The following B4GALNT3 variants were observed in gnomAD, a reference collection of about 807,000 sequenced individuals.
B4GALNT3 encodes the protein beta-1,4-N-acetylgalactosaminyltransferase 3.
B4GALNT3 carries 86 observed loss-of-function variants against 120.2 expected under a neutral mutation model. That is an observed-to-expected ratio of 0.72 (90% CI 0.60 to 0.86). The LOEUF (loss-of-function observed/expected upper bound fraction) is 0.86, where lower values mean the gene tolerates loss of function less well. Among genes scored for constraint, B4GALNT3 ranks in the 40% least tolerant of loss-of-function variants. The pLI, the probability that B4GALNT3 is intolerant of heterozygous loss-of-function variation, is 0.00. For synonymous variants in B4GALNT3, 518 were observed against 510.4 expected, an observed-to-expected ratio of 1.01 and a Z score of -0.20; for missense variants, 1,167 against 1,298.9, an observed-to-expected ratio of 0.90 and a Z score of 1.56.
intron 1 of B4GALNT3, among the ~76,000 whole-genome samples, chr12:498,702 G>A (rs1245552933): frequency 6.6e-6 from 1 of 152,164 alleles, no homozygotes; most frequent in African/African-American, 2.4e-5. Context: ...CCTGGAAGAC[G>A]AAGGTGGAGG....
At chr12:560,619 T>C (rs988254582) in intron 19 of B4GALNT3, among the ~76,000 whole-genome samples, 2 of 152,060 alleles carry the variant, frequency 1.3e-5, no homozygotes, top group South Asian at 2.1e-4. Flanking sequence ...AACTGGGAGC[T>C]CATAAAAAGG....
Position 545,391 on chromosome 12 carries a change from T to A in B4GALNT3, c.561T>A (p.Ala187=). 1 of 1,611,916 alleles carries A rather than the reference T, an allele frequency of 6.2e-7. No individual in the cohort carries two copies. The highest frequency in any genetic ancestry group is 1.1e-5 in the South Asian group (1 of 90,462). ...CAGGGAAAATCCAGTTTGCCATTGC[T>A]GCAGATGACAACGCGGAGTTCTGGC... The part of the protein sequence containing the change: ...FTDGKIQFAI[A]ADDNAEFWLS... The change falls in exon 6 of 20, where the codon GCT becomes GCA. Residue 187 remains alanine, a synonymous_variant. Coordinates refer to ENST00000266383, the MANE Select transcript of B4GALNT3 (RefSeq NM_173593.4).
intron 11 of B4GALNT3, among the ~76,000 whole-genome samples, chr12:551,482 A>T (rs1313394194): frequency 1.3e-5 from 2 of 152,236 alleles, no homozygotes; most frequent in Non-Finnish European, 2.9e-5. Flanking sequence ...TGCGGAAGCC[A>T]GACAGGCAGC....
chr12:533,067 G>A (rs1458797242), intron 1 of B4GALNT3, among the ~76,000 whole-genome samples: 2 of 152,194 alleles, frequency 1.3e-5, no homozygotes, highest in Admixed American at 1.3e-4. Flanking sequence ...TCAGATGCAG[G>A]AGCAAGGCAG....
chr12:511,013 C>CTTTTTTTTT lies in B4GALNT3; in HGVS notation c.170-24119_170-24111dup, dbSNP rs762032000. ...TTTGGTCTCTATGGATTTGCCTATT[C>CTTTTTTTTT]TTTTTTTTTTTTTTTTTTTTTTTTT... On this transcript the variant is annotated intron_variant, in intron 1 of 19. Transcript: ENST00000266383. Among the ~76,000 whole-genome samples the CTTTTTTTTT allele has an allele frequency of 1.6e-3, 69 of 43,910 alleles. 17 individuals carry two copies. The highest frequency in any genetic ancestry group is 2.2e-3 in the Non-Finnish European group (47 of 21,838). 28.8% of individuals were successfully genotyped at this position (43,910 alleles called of 152,430 possible).
At chr12:558,115 G>A in intron 17 of B4GALNT3, 27 bp downstream of exon 17, 4 of 1,609,266 alleles carry the variant, frequency 2.5e-6, no homozygotes, top group South Asian at 2.2e-5. Context: ...GGGCCTGCGA[G>A]ATGGAATTCA....
intron 1 of B4GALNT3, among the ~76,000 whole-genome samples, chr12:528,298 CA>C (rs1299089093): frequency 2.0e-5 from 3 of 152,094 alleles, no homozygotes; most frequent in Non-Finnish European, 4.4e-5. Context: ...GCAGTCATGA[CA>C]CACTACAGCC....
Position 460,543 on chromosome 12 carries a change from G to C in B4GALNT3, c.167G>C (p.Arg56Pro). ...SAQVGGNPLNRRYGSWRELAK... is the reference protein window; with the variant it reads ...SAQVGGNPLNPRYGSWRELAK... The stretch of plus-strand genomic sequence containing the variant: ...CAGGTCGGCGGGAACCCCCTGAACC[G>C]GAGTAAGTAGCACCCAGGGGAGGCG... The change falls in exon 1 of 20, where the codon CGG becomes CCG. Residue 56 changes from arginine to proline, a missense_variant and splice_region_variant. By Grantham distance (103) the Arg-to-Pro change is moderately radical (BLOSUM62 -2). Coordinates refer to ENST00000266383, the MANE Select transcript of B4GALNT3 (RefSeq NM_173593.4). This position sits in a 1 kb window ranked among gnomAD's most constrained non-coding sequence, Gnocchi z 8.0. 4 of 1,496,386 alleles carry C rather than the reference G, an allele frequency of 2.7e-6. No homozygotes were observed. The highest frequency in any genetic ancestry group is 2.7e-6 in the Non-Finnish European group (3 of 1,115,648). The allele number at this position is 1,496,386 out of a possible 1,614,324, so 92.7% of individuals were successfully genotyped here.
In B4GALNT3 at chr12:556,115, G is replaced by A. The variant is rs893322056; in HGVS notation, c.2061-432G>A. Among the ~76,000 whole-genome samples, 13 of 152,200 alleles carry A rather than the reference G, an allele frequency of 8.5e-5. No homozygotes were observed. In the East Asian group the frequency reaches 2.5e-3, roughly 29 times the overall value. ...TTGTTTTAAATAGCCATCCTGGTGA[G>A]TGTGAAATGGTATCACACTGTGGTT... On this transcript the variant is annotated intron_variant, in intron 14 of 19. Transcript: ENST00000266383.
At chr12:557,172 A>G (rs1478282625) in intron 15 of B4GALNT3, among the ~76,000 whole-genome samples, 2 of 152,134 alleles carry the variant, frequency 1.3e-5, no homozygotes, top group African/African-American at 4.8e-5. Context: ...GGGAAGTAAG[A>G]CGGGCAGCGT....
rs906107936 is a variant in B4GALNT3 at position 492,568 on chromosome 12, C to G, written c.169+32023C>G. 2.6e-5 allele frequency among the ~76,000 whole-genome samples: 4 copies of G among 152,200 alleles called. No homozygotes were observed. The East Asian group carries it at 7.7e-4, about 29-fold the overall frequency. ...ACTTGATCTACAGACTCAATGCAAT[C>G]CCAATCAAAACCCCAGCAAGTTATT... On this transcript the variant is annotated intron_variant, in intron 1 of 19. Transcript: ENST00000266383.
At chr12:492,252 C>A (rs12308087) in intron 1 of B4GALNT3, among the ~76,000 whole-genome samples, 4,597 of 152,132 alleles carry the variant, frequency 0.03, 251 homozygotes, top group African/African-American at 0.1. Context: ...AAAACTGGAA[C>A]TAATAAGCAA....
intron 1 of B4GALNT3, among the ~76,000 whole-genome samples, chr12:492,065 AAAG>A (rs1693873967): frequency 6.6e-6 from 1 of 151,830 alleles, no homozygotes; most frequent in African/African-American, 2.4e-5. Flanking sequence ...CAAAAAAAAA[AAAG>A]AACAAGGCAA....
intron 1 of B4GALNT3, among the ~76,000 whole-genome samples, chr12:498,315 C>T (rs569269382): frequency 1.3e-5 from 2 of 152,272 alleles, no homozygotes; most frequent in East Asian, 3.9e-4. Context: ...ACCATGTCCG[C>T]CCAAGTCCAG....
At chr12:463,109 C>T (rs1300186203) in intron 1 of B4GALNT3, among the ~76,000 whole-genome samples, 1 of 152,192 alleles carries the variant, frequency 6.6e-6, no homozygotes, top group Non-Finnish European at 1.5e-5. Context: ...CTCTAGCAAT[C>T]CCTGCCAACT....
Position 553,276 on chromosome 12 carries a change from G to T in B4GALNT3, c.1353G>T (p.Arg451Ser). 1.9e-6 allele frequency: 3 copies of T among 1,613,598 alleles called. No homozygotes were observed. In the South Asian group the frequency reaches 3.3e-5, roughly 18 times the overall value. The change falls in exon 14 of 20, where the codon AGG (arginine) becomes AGT (serine). Residue 451 changes from arginine to serine, a missense_variant. Around this residue, in one of 3 missense-constraint regions of B4GALNT3, gnomAD observed 983 missense variants for 1,102.5 expected, o/e 0.89. Transcript: ENST00000266383. ...ETPASNNQNARMLEGRQTPAS... is the reference protein window; with the variant it reads ...ETPASNNQNASMLEGRQTPAS... ...CTGCCTCCAACAACCAGAATGCCAG[G>T]ATGCTTGAGGGAAGACAGACACCTG...
intron 1 of B4GALNT3, among the ~76,000 whole-genome samples, chr12:530,600 C>T (rs1000623734): frequency 2.6e-5 from 4 of 152,202 alleles, no homozygotes; most frequent in Non-Finnish European, 5.9e-5. Context: ...ATCCTTGACA[C>T]GGATTATCCC....
chr12:545,163 G>T, intron 5 of B4GALNT3, 191 bp downstream of exon 5: 1 of 1,441,838 alleles, frequency 6.9e-7, no homozygotes, highest in South Asian at 1.5e-5. Context: ...TCCCTGGTTT[G>T]CAGCCTGGAA....
intron 1 of B4GALNT3, among the ~76,000 whole-genome samples, chr12:461,653 C>T (rs1393094405): frequency 2.0e-5 from 3 of 151,728 alleles, no homozygotes; most frequent in African/African-American, 4.8e-5. Context: ...TGAGAAGATA[C>T]TCTGACTCTG....
Sources: gnomAD v4.1 joint callset for allele counts (sites outside exome capture counted in the v4.1 genomes callset) on GRCh38, gnomAD v4.1.1 for gene constraint, gnomAD v4.1.1 regional missense constraint, Gnocchi (gnomAD v3.1) non-coding constraint, MANE v1.5 for transcripts, NCBI Gene and HGNC (gene_info 2026-07-23, HGNC 2026-07-21) for gene names.